Variants in DENND5A observed in about 807,000 individuals in gnomAD.
DENND5A encodes the protein DENN domain containing 5A, also known as DENN domain-containing protein 5A.
A neutral mutation model predicts 140.3 loss-of-function variants in DENND5A; 64 were observed. That is an observed-to-expected ratio of 0.46 (90% CI 0.37 to 0.56). The LOEUF is 0.56. DENND5A is among the 20% of genes least tolerant of loss of function. The pLI is 0.00. For synonymous variants in DENND5A, 605 were observed against 607.7 expected (o/e 1.00, Z 0.07); for missense variants, 1,292 against 1,593.8 (o/e 0.81, Z 3.22).
chr11:9,251,804 A>G (rs1851731595), intron 1 of DENND5A, among the ~76,000 whole-genome samples: 1 of 151,162 alleles, frequency 6.6e-6, no homozygotes, highest in Non-Finnish European at 1.5e-5. Flanking sequence ...CCTGGCTAAC[A>G]CAGTGAAACC....
At chr11:9,207,994 C>T (rs1156633282) in intron 1 of DENND5A, among the ~76,000 whole-genome samples, 1 of 152,152 alleles carries the variant, frequency 6.6e-6, no homozygotes, top group Non-Finnish European at 1.5e-5. Context: ...TATACTATCC[C>T]AAATATTGCT....
intron 1 of DENND5A, among the ~76,000 whole-genome samples, chr11:9,251,236 C>T (rs1198226026): frequency 2.0e-5 from 3 of 150,752 alleles, no homozygotes; most frequent in African/African-American, 7.3e-5. Context: ...CTTTTCACTG[C>T]TCAGACCTCT....
intron 1 of DENND5A, among the ~76,000 whole-genome samples, chr11:9,221,417 C>T (rs1302030976): frequency 6.6e-6 from 1 of 151,228 alleles, no homozygotes; most frequent in Non-Finnish European, 1.5e-5. Context: ...GATGACAGAG[C>T]AAGACTCCAT....
Position 9,236,306 on chromosome 11 carries a change from C to T in DENND5A, c.109+28655G>A, listed in dbSNP as rs565592858. ...CAGCACTTTGGGAGGCCGAGGCAGG[C>T]GTATCACCTGAGGTCAGGAGTTCGA... is the stretch of plus-strand genomic sequence containing the variant. On this transcript the variant is annotated intron_variant, in intron 1 of 22. Transcript: ENST00000328194. 1.7e-4 allele frequency among the ~76,000 whole-genome samples: 26 copies of T among 151,434 alleles called. No homozygotes were observed. The East Asian group carries it at 4.9e-3, about 28-fold the overall frequency.
rs1397760393 is a variant in DENND5A, at chr11:9,145,792, C to T, written c.2881G>A (p.Val961Ile). 9.3e-6 allele frequency: 15 copies of T among 1,613,986 alleles called. No homozygotes were observed. The highest frequency in any genetic ancestry group is 4.5e-5 in the East Asian group (2 of 44,900). Residue 961 changes from valine (V) to isoleucine (I), a missense_variant, in exon 17 of 23, where the codon GTA becomes ATA. This residue lies in a region of DENND5A where 498 missense variants were observed against 689.7 expected (regional missense o/e 0.72). Coordinates refer to ENST00000328194, the MANE Select transcript of DENND5A (RefSeq NM_015213.4). ...TILIPYHILI[V>I]PSKKLGGSMF... Reference sequence around the variant, plus strand: ...GAGCCCCCCAGCTTCTTGCTTGGTACGATCAGAATGTGGTACGGGATCACT... The same window carrying T: ...GAGCCCCCCAGCTTCTTGCTTGGTATGATCAGAATGTGGTACGGGATCACT...
At chr11:9,178,544 C>T (rs977302087) in intron 7 of DENND5A, among the ~76,000 whole-genome samples, 178 bp from the exon 8 acceptor site, 1 of 151,426 alleles carries the variant, frequency 6.6e-6, no homozygotes, top group Non-Finnish European at 1.5e-5. Context: ...TATCTTGAAA[C>T]TTTGACACTG....
At chr11:9,261,775 C>T in intron 1 of DENND5A, among the ~76,000 whole-genome samples, 2 of 21,962 alleles carry the variant, frequency 9.1e-5, no homozygotes, top group African/African-American at 1.0e-4. Flanking sequence ...GAGACTGTGT[C>T]TCAAAAAAAA....
intron 1 of DENND5A, among the ~76,000 whole-genome samples, chr11:9,240,117 C>A (rs1250514633): frequency 3.3e-5 from 5 of 152,170 alleles, no homozygotes; most frequent in African/African-American, 4.8e-5. Flanking sequence ...TTTTAAAGAA[C>A]TGATCCTAGG....
Position 9,165,877 on chromosome 11 carries a change from A to C in DENND5A, c.2242T>G (p.Trp748Gly). ...TTCAGCAGGCCCTCTACAAACTTCC[A>C]ATTGGTCTGGGCAATCACTGATGGA... is the stretch of plus-strand genomic sequence containing the variant. ...LSPSVIAQTN[W>G]KFVEGLLKEC... The change falls in exon 11 of 23, where the codon TGG becomes GGG. Residue 748 changes from tryptophan to glycine, a missense_variant. Coordinates refer to ENST00000328194, the MANE Select transcript of DENND5A (RefSeq NM_015213.4). 2 of 1,614,088 alleles carry C rather than the reference A, an allele frequency of 1.2e-6. No individual in the cohort carries two copies. Among genetic ancestry groups the C allele is most frequent in the Non-Finnish European group, 1.7e-6 (2 of 1,179,972 alleles).
chr11:9,163,853 T>G (rs1208995660), intron 11 of DENND5A, among the ~76,000 whole-genome samples: 1 of 118,868 alleles, frequency 8.4e-6, no homozygotes, highest in Non-Finnish European at 1.8e-5. Flanking sequence ...AAAAAAAAAA[T>G]GCAGAAATGC....
intron 12 of DENND5A, among the ~76,000 whole-genome samples, chr11:9,157,905 G>C (rs1450742346): frequency 6.6e-6 from 1 of 152,142 alleles, no homozygotes; most frequent in East Asian, 1.9e-4. Flanking sequence ...CTTATTTAAA[G>C]TCATCCAGTG....
chr11:9,257,712 G>A (rs1392168644), intron 1 of DENND5A, among the ~76,000 whole-genome samples: 1 of 151,080 alleles, frequency 6.6e-6, no homozygotes, highest in Non-Finnish European at 1.5e-5. Context: ...TCGATCTCCT[G>A]ACCTTGTGAT....
In DENND5A at chr11:9,144,227, C is replaced by T; in HGVS notation, c.3174G>A (p.Glu1058=). 1 of 1,614,208 alleles carries T rather than the reference C, an allele frequency of 6.2e-7. No individual in the cohort carries two copies. Among genetic ancestry groups the T allele is most frequent in the East Asian group, 2.2e-5 (1 of 44,884 alleles). ...TGAGCAGCTCCCCAACTAGGATCCG[C>T]TCCAGGCTTCCATCATCCATGCCCT... ...LGKGMDDGSL[E]RILVGELLTS... Residue 1058 remains glutamate, a synonymous_variant, in exon 19 of 23, where the codon GAG becomes GAA. Transcript: ENST00000328194.
intron 1 of DENND5A, among the ~76,000 whole-genome samples, chr11:9,251,318 C>A (rs73404305): frequency 1.6e-4 from 24 of 151,878 alleles, no homozygotes; most frequent in Non-Finnish European, 2.1e-4. Flanking sequence ...GATGGCCAAG[C>A]AAAATTTTAA....
Position 9,238,359 on chromosome 11 carries a change from G to GTGTGTA in DENND5A, c.109+26601_109+26602insTACACA, listed in dbSNP as rs1554932864. On this transcript the variant is annotated intron_variant, in intron 1 of 22. Coordinates refer to ENST00000328194, the MANE Select transcript of DENND5A (RefSeq NM_015213.4). ...GATGATTAAATGCATGTGTGTGTGT[G>GTGTGTA]TATATATATATATTAAGCTATATAC... 3.2e-3 allele frequency among the ~76,000 whole-genome samples: 485 copies of GTGTGTA among 150,186 alleles called. 2 individuals are homozygous for GTGTGTA. The highest frequency in any genetic ancestry group is 0.014 in the Middle Eastern group (4 of 288).
Position 9,244,727 on chromosome 11 carries a change from G to A in DENND5A, c.109+20234C>T, listed in dbSNP as rs183420643. Among the ~76,000 whole-genome samples, 21 of 152,208 alleles carry A rather than the reference G, an allele frequency of 1.4e-4. No individual in the cohort carries two copies. In the East Asian group the frequency reaches 4.1e-3, roughly 29 times the overall value. ...GTCTGGCTCTGTCACTCAGGCTAGA[G>A]TGCAGTGTCACTATCTCAGCTCACT... On this transcript the variant is annotated intron_variant, in intron 1 of 22. Coordinates refer to ENST00000328194, the MANE Select transcript of DENND5A (RefSeq NM_015213.4).
At chr11:9,154,369 C>A (rs1847734516) in intron 12 of DENND5A, among the ~76,000 whole-genome samples, 1 of 152,116 alleles carries the variant, frequency 6.6e-6, no homozygotes, top group South Asian at 2.1e-4. Flanking sequence ...CTATGCTACA[C>A]GAGATGCTTC....
chr11:9,239,822 T>C (rs976285060), intron 1 of DENND5A, among the ~76,000 whole-genome samples: 1 of 152,218 alleles, frequency 6.6e-6, no homozygotes, highest in Non-Finnish European at 1.5e-5. Context: ...TTCATGTTTC[T>C]TTCCTATCCC....
intron 1 of DENND5A, among the ~76,000 whole-genome samples, chr11:9,256,217 T>G (rs1372912102): frequency 6.6e-6 from 1 of 152,042 alleles, no homozygotes; most frequent in Non-Finnish European, 1.5e-5. Context: ...ATCCCAGCAC[T>G]TTAGGAGGCC....
Sources: gnomAD v4.1 joint callset for allele counts (sites outside exome capture counted in the v4.1 genomes callset) on GRCh38, gnomAD v4.1.1 for gene constraint, gnomAD v4.1.1 regional missense constraint, MANE v1.5 for transcripts, NCBI Gene and HGNC (gene_info 2026-07-23, HGNC 2026-07-21) for gene names.